Variants in MTERF2 observed in about 807,000 individuals in gnomAD.
The protein encoded by MTERF2 is transcription termination factor 2, mitochondrial.
MTERF2 carries 23 observed loss-of-function variants against 29.2 expected under a neutral mutation model. The observed-to-expected ratio is 0.79, with a 90% CI of 0.57 to 1.12. MTERF2 has a LOEUF of 1.12. Ranked by LOEUF, MTERF2 falls within the 50% of genes most tolerant of loss-of-function variation. MTERF2 has a pLI of 0.00. For synonymous variants in MTERF2, 157 were observed against 159.5 expected (o/e 0.98, Z 0.12); for missense variants, 440 against 429.4 (o/e 1.02, Z -0.22).
intron 2 of MTERF2, among the ~76,000 whole-genome samples, chr12:106,982,126 A>C (rs1464764550): frequency 6.6e-6 from 1 of 152,162 alleles, no homozygotes; most frequent in Non-Finnish European, 1.5e-5. Context: ...CTAATGTTTA[A>C]TGATCCGTCA....
chr12:106,978,382 A>C lies in MTERF2; in HGVS notation c.333T>G (p.Ala111=). The change falls in exon 3 of 3, where the codon GCT becomes GCG. Residue 111 remains alanine, a synonymous_variant. Transcript: ENST00000240050. ...GCCAGAGTTTTCTCTGGGTGTTAAC[A>C]GCGGTTGGACTACAGACAATTGCTT... ...CPEAIVCSPT[A]VNTQRKLWQL... 6.2e-7 allele frequency: 1 copy of C among 1,614,218 alleles called. No individual in the cohort carries two copies. The highest frequency in any genetic ancestry group is 8.5e-7 in the Non-Finnish European group (1 of 1,180,034).
At chr12:106,980,525 A>C (rs1307019984) in intron 2 of MTERF2, 1 of 152,198 alleles carries the variant, frequency 6.6e-6, no homozygotes, top group African/African-American at 2.4e-5. Flanking sequence ...AGGTGCCTTT[A>C]ATTCAAAATG....
At chr12:106,980,301 A>C (rs533159051) in intron 2 of MTERF2, among the ~76,000 whole-genome samples, 1 of 152,318 alleles carries the variant, frequency 6.6e-6, no homozygotes, top group African/African-American at 2.4e-5. Context: ...AGTTGGACAA[A>C]AAATAGGAAG....
At position 106,977,916 on chromosome 12, in the gene MTERF2, T is replaced by C. The variant is rs1429083692; in HGVS notation, c.799A>G (p.Ile267Val). 1 of 1,614,108 alleles carries C rather than the reference T, an allele frequency of 6.2e-7. No homozygotes were observed. The highest frequency in any genetic ancestry group is 8.5e-7 in the Non-Finnish European group (1 of 1,180,012). The change falls in exon 3 of 3, where the codon ATT (isoleucine) becomes GTT (valine). Residue 267 changes from isoleucine to valine, a missense_variant. By Grantham distance (29) the Ile-to-Val change is conservative. Transcript: ENST00000240050. Reference sequence around the variant, plus strand: ...TTAAAAGCATTTTTAGAGAAGGAAATACTATTCTGTATACTTCTTGGGCAA... The same window carrying C: ...TTAAAAGCATTTTTAGAGAAGGAAACACTATTCTGTATACTTCTTGGGCAA... ...QLCPRSIQNS[I>V]SFSKNAFKCT... is the part of the protein sequence containing the mutation.
At chr12:106,986,052 C>T (rs568466393) in intron 1 of MTERF2, 2 of 152,338 alleles carry the variant, frequency 1.3e-5, no homozygotes, top group South Asian at 4.1e-4. Context: ...GTTGGGAAGG[C>T]AGGAACTGAA....
At chr12:106,979,416 G>A (rs1952028871) in intron 2 of MTERF2, among the ~76,000 whole-genome samples, 1 of 152,080 alleles carries the variant, frequency 6.6e-6, no homozygotes, top group Admixed American at 6.6e-5. Context: ...TTAATAAATG[G>A]ATTTTTTTGT....
chr12:106,984,064 T>A (rs1173692723), intron 2 of MTERF2, among the ~76,000 whole-genome samples: 1 of 152,210 alleles, frequency 6.6e-6, no homozygotes, highest in Non-Finnish European at 1.5e-5. Flanking sequence ...CATAAACCTA[T>A]CACTAGCTCC....
Position 106,977,378 on chromosome 12 carries a change from A to C in MTERF2, c.*179T>G. 2.1e-6 allele frequency: 1 copy of C among 478,402 alleles called. No individual in the cohort carries two copies. The highest frequency in any genetic ancestry group is 4.4e-5 in the Admixed American group (1 of 22,802). The allele number at this position is 478,402 out of a possible 1,614,324, so 29.6% of individuals were successfully genotyped here. The stretch of plus-strand genomic sequence containing the variant: ...TACCAACCTTATTAAAATAAATATG[A>C]TTTATATTTTATAATATGGCACATG... On this transcript the variant is annotated 3_prime_UTR_variant, in exon 3 of 3. Transcript: ENST00000240050.
rs983206948 is a variant in MTERF2 at position 106,978,280 on chromosome 12, G to T, written c.435C>A (p.Asp145Glu). 4 of 1,613,840 alleles carry T rather than the reference G, an allele frequency of 2.5e-6. No individual in the cohort carries two copies. Among genetic ancestry groups the T allele is most frequent in the African/African-American group, 1.3e-5 (1 of 74,894 alleles). ...QFPESFFTIKDQENQKLNVQF... is the reference protein window; with the variant it reads ...QFPESFFTIKEQENQKLNVQF... ...GAACATTCAGCTTCTGGTTCTCTTG[G>T]TCTTTAATAGTAAAGAAAGATTCTG... The change falls in exon 3 of 3, where the codon GAC becomes GAA. Residue 145 changes from aspartate (D) to glutamate (E), a missense_variant. Transcript: ENST00000240050.
chr12:106,978,436 AG>A lies in MTERF2; in HGVS notation c.278del (p.Ala93ValfsTer2). Reference sequence around the variant, plus strand: ...GGCAGCGTTCCAAAATACTGGCTACAGCAGTCTCATCGGCACCTAGTTCTTG... The same window carrying A: ...GGCAGCGTTCCAAAATACTGGCTACACAGTCTCATCGGCACCTAGTTCTTG... Reference protein sequence around the residue: ...ILQELGADETAVASILERCPE... With the variant: ...ILQELGADETXVASILERCPE... On this transcript the variant is annotated frameshift_variant, in exon 3 of 3. Coordinates refer to ENST00000240050, the MANE Select transcript of MTERF2 (RefSeq NM_001033050.3). LOFTEE classifies it high-confidence loss of function. 1 of 1,614,254 alleles carries A rather than the reference AG, an allele frequency of 6.2e-7. No homozygotes were observed.
Position 106,977,941 on chromosome 12 carries a change from A to C in MTERF2, c.774T>G (p.Leu258=). 1 of 1,614,146 alleles carries C rather than the reference A, an allele frequency of 6.2e-7. No homozygotes were observed. The highest frequency in any genetic ancestry group is 1.1e-5 in the South Asian group (1 of 91,086). ...LSKLKGFLFQ[L]CPRSIQNSIS... is the part of the protein sequence containing the mutation. Reference sequence around the variant, plus strand: ...TACTATTCTGTATACTTCTTGGGCAAAGTTGAAAAAGAAATCCTTTGAGTT... The same window carrying C: ...TACTATTCTGTATACTTCTTGGGCACAGTTGAAAAAGAAATCCTTTGAGTT... The change falls in exon 3 of 3, where the codon CTT becomes CTG. Residue 258 remains leucine, a synonymous_variant. Transcript: ENST00000240050.
intron 1 of MTERF2, chr12:106,986,373 T>C (rs932798667): frequency 7.2e-5 from 11 of 151,958 alleles, no homozygotes; most frequent in Middle Eastern, 3.4e-3. Flanking sequence ...TCTTCACATA[T>C]ACTAAATCAT....
In MTERF2 at chr12:106,977,488, C is replaced by T; in HGVS notation, c.*69G>A. Reference sequence around the variant, plus strand: ...TAAAATTACTGGTGTCTACAAACTGCCTGAATTTTTGTCTTTGCTAGTTAG... The same window carrying T: ...TAAAATTACTGGTGTCTACAAACTGTCTGAATTTTTGTCTTTGCTAGTTAG... On this transcript the variant is annotated 3_prime_UTR_variant, in exon 3 of 3. Transcript: ENST00000240050. The T allele has an allele frequency of 6.9e-7, 1 of 1,447,478 alleles. No individual in the cohort carries two copies. Among genetic ancestry groups the T allele is most frequent in the South Asian group, 1.4e-5 (1 of 72,082 alleles). 89.7% of individuals were successfully genotyped at this position (1,447,478 alleles called of 1,614,324 possible). A position where few individuals can be genotyped will look rare whatever the true frequency, so the allele number is the denominator to read the frequency against.
intron 2 of MTERF2, among the ~76,000 whole-genome samples, chr12:106,982,715 A>T (rs956786337): frequency 1.3e-5 from 2 of 152,234 alleles, no homozygotes; most frequent in African/African-American, 4.8e-5. Flanking sequence ...AAATGTCCAC[A>T]TCTCATATGC....
chr12:106,984,414 G>C (rs546676440), intron 2 of MTERF2, among the ~76,000 whole-genome samples: 1 of 152,124 alleles, frequency 6.6e-6, no homozygotes, highest in Non-Finnish European at 1.5e-5. Flanking sequence ...CCAATGAGTA[G>C]TTTTCATTCT....
At chr12:106,984,534 C>T (rs1952088433) in intron 2 of MTERF2, among the ~76,000 whole-genome samples, 1 of 152,100 alleles carries the variant, frequency 6.6e-6, no homozygotes, top group African/African-American at 2.4e-5. Context: ...CGATTACAGG[C>T]GTGATGTGGT....
intron 1 of MTERF2, chr12:106,986,666 T>C (rs1952121590): frequency 6.6e-6 from 1 of 152,144 alleles, no homozygotes; most frequent in African/African-American, 2.4e-5. Flanking sequence ...AATACACAGT[T>C]ATGGTTAGTA....
chr12:106,980,180 G>T (rs963264427), intron 2 of MTERF2, among the ~76,000 whole-genome samples: 2 of 152,060 alleles, frequency 1.3e-5, no homozygotes, highest in African/African-American at 2.4e-5. Context: ...GTAGGTGTGG[G>T]CCCCCACCCC....
chr12:106,983,717 A>G (rs1452059287), intron 2 of MTERF2, among the ~76,000 whole-genome samples: 1 of 152,162 alleles, frequency 6.6e-6, no homozygotes, highest in South Asian at 2.1e-4. Flanking sequence ...TTTCTGAACA[A>G]TCCTTTCCTT....
Sources: allele counts gnomAD v4.1 joint callset (sites outside exome capture counted in the v4.1 genomes callset), GRCh38; gene constraint gnomAD v4.1.1; transcripts MANE v1.5; gene names NCBI Gene and HGNC (gene_info 2026-07-23, HGNC 2026-07-21).